The following NBAS variants were observed in gnomAD, a reference collection of about 807,000 sequenced individuals.
NBAS encodes the protein NAG/BC035112 fusion.
Under a neutral mutation model 302.5 loss-of-function variants are expected in NBAS, and 219 were observed. That is an observed-to-expected ratio of 0.72 (90% CI 0.65 to 0.81). The LOEUF is 0.81. NBAS is among the 30% of genes least tolerant of loss of function. NBAS has a pLI of 0.00. For missense variants in NBAS, 2,932 were observed against 2,841.6 expected, an observed-to-expected ratio of 1.03 and a Z score of -0.72; for synonymous variants, 1,118 against 1,021.6, an observed-to-expected ratio of 1.09 and a Z score of -1.80.
At chr2:15,155,080 G>A in the NBAS span, among the ~76,000 whole-genome samples, 57 of 152,196 alleles carry the variant, frequency 3.7e-4, no homozygotes, top group Admixed American at 4.6e-4. Flanking sequence ...AAGCTAGGTA[G>A]GAACGTTAAG....
Position 15,402,295 on chromosome 2 carries a change from G to C in NBAS, c.2944C>G (p.Gln982Glu), listed in dbSNP as rs1676195063. The C allele has an allele frequency of 6.2e-7, 1 of 1,613,222 alleles. No individual in the cohort carries two copies. Among genetic ancestry groups the C allele is most frequent in the Non-Finnish European group, 8.5e-7 (1 of 1,179,550 alleles). Residue 982 changes from glutamine to glutamate, a missense_variant, in exon 26 of 52, where the codon CAA (glutamine) becomes GAA (glutamate). Transcript: ENST00000281513. ...TGGTCCTGATCAGGAATAATTTTTT[G>C]CTGCAGCTACAGAAAATAAAGTATG... is the stretch of plus-strand genomic sequence containing the variant. ...IFQHSKPDLQ[Q>E]KIIPDQDQLM... is the part of the protein sequence containing the mutation.
At chr2:14,948,148 G>A in the NBAS span, among the ~76,000 whole-genome samples, 1 of 152,038 alleles carries the variant, frequency 6.6e-6, no homozygotes, top group East Asian at 1.9e-4. Flanking sequence ...AGTATCAGGT[G>A]TGATATTGAC....
At chr2:14,784,705 T>C in the NBAS span, among the ~76,000 whole-genome samples, 77 of 152,348 alleles carry the variant, frequency 5.1e-4, 1 homozygote, top group South Asian at 0.011. Flanking sequence ...AGTACCATGC[T>C]GTTTTGGTTA....
chr2:15,131,774 A>G, the NBAS span, among the ~76,000 whole-genome samples: 7 of 152,202 alleles, frequency 4.6e-5, no homozygotes, highest in Non-Finnish European at 7.3e-5. Flanking sequence ...ATGTACAAGC[A>G]TGGCCCTGAC....
chr2:15,308,674 T>C (rs1558521876), intron 39 of NBAS, among the ~76,000 whole-genome samples: 1 of 152,208 alleles, frequency 6.6e-6, no homozygotes, highest in Admixed American at 6.5e-5. Flanking sequence ...CTAATTGCCC[T>C]GGCCAGAACT....
chr2:15,474,142 G>T lies in NBAS; in HGVS notation c.1524C>A (p.Arg508=), dbSNP rs1340296783. The change falls in exon 15 of 52, where the codon CGC becomes CGA. Residue 508 remains arginine, a synonymous_variant. Coordinates refer to ENST00000281513, the MANE Select transcript of NBAS (RefSeq NM_015909.4). ...GGTAGTTTTTAGTAATGGTTCGTGG[G>T]CGTTTCCGTGGTGGTGCAAATCGCT... is the stretch of plus-strand genomic sequence containing the variant. The part of the protein sequence containing the change: ...EMERFAPPRK[R]PRTITKNYRL... The T allele has an allele frequency of 3.1e-6, 5 of 1,614,126 alleles. No homozygotes were observed. The South Asian group carries it at 5.5e-5, about 18-fold the overall frequency.
intron 9 of NBAS, among the ~76,000 whole-genome samples, chr2:15,513,605 G>C (rs1029177381): frequency 6.6e-5 from 10 of 150,458 alleles, no homozygotes; most frequent in Admixed American, 6.6e-4. Flanking sequence ...AAATGGCCTG[G>C]GTTTTTTTTT....
the NBAS span, among the ~76,000 whole-genome samples, chr2:14,886,946 AG>A: frequency 6.6e-6 from 1 of 152,246 alleles, no homozygotes; most frequent in Non-Finnish European, 1.5e-5. Context: ...AGTTGAGGAT[AG>A]GACCCTTGTT....
At chr2:15,211,321 T>C (rs1333642148) in intron 48 of NBAS, among the ~76,000 whole-genome samples, 1 of 152,190 alleles carries the variant, frequency 6.6e-6, no homozygotes, top group Non-Finnish European at 1.5e-5. Context: ...GCAACCTATA[T>C]TAGATGTGGA....
At chr2:14,937,858 C>T in the NBAS span, among the ~76,000 whole-genome samples, 42 of 152,190 alleles carry the variant, frequency 2.8e-4, no homozygotes, top group African/African-American at 9.4e-4. Flanking sequence ...TGGCAGGGTG[C>T]GGTGGCTCAC....
Position 15,533,573 on chromosome 2 carries a change from T to A in NBAS, c.746+970A>T, listed in dbSNP as rs539344115. Among the ~76,000 whole-genome samples, 11 of 151,988 alleles carry A rather than the reference T, an allele frequency of 7.2e-5. 1 individual carries two copies. In the South Asian group the frequency reaches 1.5e-3, roughly 20 times the overall value. On this transcript the variant is annotated intron_variant, in intron 9 of 51. Coordinates refer to ENST00000281513, the MANE Select transcript of NBAS (RefSeq NM_015909.4). ...TAAATATGAATGAGTGATAAAACTA[T>A]AAAGAAAGCAAGAAAATCATATACA...
At chr2:15,200,447 C>T (rs994169470) in intron 48 of NBAS, among the ~76,000 whole-genome samples, 1 of 151,942 alleles carries the variant, frequency 6.6e-6, no homozygotes, top group Non-Finnish European at 1.5e-5. Context: ...TTACTTTGTC[C>T]TTTTGCCCAG....
chr2:15,116,354 C>T, the NBAS span, among the ~76,000 whole-genome samples: 1 of 152,160 alleles, frequency 6.6e-6, no homozygotes, highest in Non-Finnish European at 1.5e-5. Context: ...AAGGTGGCAG[C>T]TGAGCTCTCT....
At chr2:14,848,082 G>A in the NBAS span, among the ~76,000 whole-genome samples, 1 of 151,988 alleles carries the variant, frequency 6.6e-6, no homozygotes, top group East Asian at 1.9e-4. Context: ...GAGCCAAGAT[G>A]GCCGAATAGG....
At chr2:14,963,707 G>A in the NBAS span, among the ~76,000 whole-genome samples, 3 of 152,192 alleles carry the variant, frequency 2.0e-5, no homozygotes, top group Admixed American at 6.5e-5. Flanking sequence ...CTTGCTAAGG[G>A]ACTGAAGTGC....
chr2:15,060,919 G>A, the NBAS span, among the ~76,000 whole-genome samples: 2 of 152,228 alleles, frequency 1.3e-5, no homozygotes, highest in East Asian at 3.9e-4. Flanking sequence ...ACACAACATA[G>A]GTGGCTCAAA....
chr2:15,130,738 T>C, the NBAS span, among the ~76,000 whole-genome samples: 1 of 152,216 alleles, frequency 6.6e-6, no homozygotes, highest in Admixed American at 6.5e-5. Context: ...GCGGGGATCA[T>C]CTCTTCTCGA....
chr2:15,492,161 T>C lies in NBAS; in HGVS notation c.955-3139A>G, dbSNP rs145909112. 2.4e-4 allele frequency among the ~76,000 whole-genome samples: 37 copies of C among 152,286 alleles called. No individual in the cohort carries two copies. The East Asian group carries it at 6.9e-3, about 29-fold the overall frequency. On this transcript the variant is annotated intron_variant, in intron 11 of 51. Coordinates refer to ENST00000281513, the MANE Select transcript of NBAS (RefSeq NM_015909.4). ...ATAAATATCCACATACCCAACCTGC[T>C]TCAACAAATATTAACATTTTTTCAG...
At chr2:15,453,967 C>T (rs1021722114) in intron 21 of NBAS, among the ~76,000 whole-genome samples, 4 of 151,950 alleles carry the variant, frequency 2.6e-5, no homozygotes, top group Non-Finnish European at 5.9e-5. Flanking sequence ...TTAGTAGAGA[C>T]AGGGTTTCAC....
Sources: gnomAD v4.1 joint callset for allele counts (sites outside exome capture counted in the v4.1 genomes callset) on GRCh38, gnomAD v4.1.1 for gene constraint, MANE v1.5 for transcripts, NCBI Gene and HGNC (gene_info 2026-07-23, HGNC 2026-07-21) for gene names.